The following KIF21B variants were observed in gnomAD, a reference collection of about 807,000 sequenced individuals.
KIF21B encodes kinesin-like protein KIF21B.
KIF21B carries 85 observed loss-of-function variants against 192.9 expected under a neutral mutation model. The observed-to-expected ratio is 0.44, with a 90% CI of 0.37 to 0.53. The LOEUF (loss-of-function observed/expected upper bound fraction) is 0.53, where lower values mean the gene tolerates loss of function less well. Among genes scored for constraint, KIF21B ranks in the 20% least tolerant of loss-of-function variants. The pLI is 0.00. For synonymous variants in KIF21B, 832 were observed against 884.6 expected (o/e 0.94, Z 1.05); for missense variants, 1,716 against 2,194.8 (o/e 0.78, Z 4.36).
intron 9 of KIF21B, 179 bp downstream of exon 9, chr1:201,001,982 T>C (rs772087184): frequency 2.7e-4 from 165 of 605,254 alleles, no homozygotes; most frequent in Non-Finnish European, 4.2e-4. Context: ...GAAGGATGTG[T>C]TCATGTATTA....
At chr1:201,021,010 G>A (rs1400907723) in intron 1 of KIF21B, among the ~76,000 whole-genome samples, 1 of 152,206 alleles carries the variant, frequency 6.6e-6, no homozygotes, top group East Asian at 1.9e-4. Flanking sequence ...AGTGAGCCCT[G>A]GGGCTGGACT....
At chr1:200,991,781 T>A in intron 16 of KIF21B, 56 bp from the exon 17 acceptor site, 1 of 1,569,512 alleles carries the variant, frequency 6.4e-7, no homozygotes, top group Non-Finnish European at 8.7e-7. Flanking sequence ...GCCCTCTCTG[T>A]CTGTGTACAG....
chr1:201,003,787 G>A lies in KIF21B; in HGVS notation c.1017-6C>T. On this transcript the variant is annotated splice_polypyrimidine_tract_variant and splice_region_variant and intron_variant, in intron 7 of 34. Transcript: ENST00000461742. ...AGGCGATCATGATGGTCTGGCTGGG[G>A]GTGCAGAAAGGCTGTTGTGAGGGTG... 4 of 1,614,156 alleles carry A rather than the reference G, an allele frequency of 2.5e-6. No individual in the cohort carries two copies. Among genetic ancestry groups the A allele is most frequent in the Non-Finnish European group, 2.5e-6 (3 of 1,180,010 alleles).
At chr1:200,996,744 G>A (rs1212373857) in intron 14 of KIF21B, among the ~76,000 whole-genome samples, 1 of 152,160 alleles carries the variant, frequency 6.6e-6, no homozygotes, top group East Asian at 1.9e-4. Context: ...GGGGCCTGTG[G>A]GAAGGGGAAG....
chr1:200,973,624 T>C (rs1156553420), intron 34 of KIF21B, 46 bp from the exon 35 acceptor site: 3 of 1,520,274 alleles, frequency 2.0e-6, no homozygotes, highest in Non-Finnish European at 2.6e-6. Flanking sequence ...GCTCTTGCAG[T>C]GGGCTTGGCT....
Position 200,990,959 on chromosome 1 carries a change from C to T in KIF21B, c.2645G>A (p.Gly882Glu). 3 of 1,614,148 alleles carry T rather than the reference C, an allele frequency of 1.9e-6. No homozygotes were observed. Among genetic ancestry groups the T allele is most frequent in the Middle Eastern group, 3.3e-4 (2 of 6,062 alleles). Residue 882 changes from glycine (G) to glutamate (E), a missense_variant, in exon 18 of 35, where the codon GGG becomes GAG. Gly to Glu is a moderately conservative substitution (Grantham distance 98). Transcript: ENST00000461742. This position sits in a 1 kb window ranked among gnomAD's most constrained non-coding sequence, Gnocchi z 5.4. The stretch of plus-strand genomic sequence containing the variant: ...ATTGACAGTGGGCGCAGGATGGTCC[C>T]CCAAGAAGTGGTTGATTTTGCGGTT... ...QWNRKINHFL[G>E]DHPAPTVNGT...
Position 200,990,560 on chromosome 1 carries a change from GGGA to G in KIF21B, c.2835+13_2835+15del, listed in dbSNP as rs1186638756. 6.2e-7 allele frequency: 1 copy of G among 1,612,184 alleles called. No homozygotes were observed. The highest frequency in any genetic ancestry group is 1.1e-5 in the South Asian group (1 of 90,920). ...CAGAGGGGTGGAATGGAAGAGAAGG[GGGA>G]GGCAGGGCTCACCTTGATGAGCCGC... On this transcript the variant is annotated intron_variant, in intron 19 of 34. Transcript: ENST00000461742. This position sits in a 1 kb window ranked among gnomAD's most constrained non-coding sequence, Gnocchi z 5.4.
intron 8 of KIF21B, 118 bp downstream of exon 8, chr1:201,003,468 T>A: frequency 1.0e-6 from 1 of 969,724 alleles, no homozygotes; most frequent in Non-Finnish European, 1.6e-6. Flanking sequence ...AAGTGGATGA[T>A]GGTAATAGGG....
Position 201,000,992 on chromosome 1 carries a change from A to G in KIF21B, c.1403-212T>C, listed in dbSNP as rs1657461232. ...CGTGGTGGCGCATGCCTCTAATCCC[A>G]GCTACTCGGGACGCTGAGGCAGGAG... On this transcript the variant is annotated intron_variant, in intron 9 of 34. Transcript: ENST00000461742. This position sits in a 1 kb window ranked among gnomAD's most constrained non-coding sequence, Gnocchi z 6.0. 1.3e-5 allele frequency among the ~76,000 whole-genome samples: 2 copies of G among 152,062 alleles called. No homozygotes were observed. The highest frequency in any genetic ancestry group is 2.4e-5 in the African/African-American group (1 of 41,392).
intron 2 of KIF21B, 40 bp downstream of exon 2, chr1:201,009,226 A>G: frequency 6.3e-7 from 1 of 1,578,666 alleles, no homozygotes; most frequent in Non-Finnish European, 8.7e-7. Context: ...CAGGGAGACC[A>G]AGGCTGGAGC....
intron 9 of KIF21B, 189 bp downstream of exon 9, chr1:201,001,972 G>A: frequency 1.7e-6 from 1 of 600,224 alleles, no homozygotes; most frequent in Non-Finnish European, 3.0e-6. Context: ...TGTTGAACAA[G>A]AAGGATGTGT....
chr1:200,980,755 C>T (rs1655857109), intron 29 of KIF21B, among the ~76,000 whole-genome samples: 2 of 152,192 alleles, frequency 1.3e-5, no homozygotes, highest in Admixed American at 1.3e-4. Flanking sequence ...GCCACCAGGT[C>T]AGGTATGAGG....
intron 1 of KIF21B, among the ~76,000 whole-genome samples, chr1:201,020,061 C>G (rs1658731453): frequency 6.6e-6 from 1 of 152,002 alleles, no homozygotes; most frequent in Middle Eastern, 3.2e-3. Context: ...CTATCCCCTA[C>G]TTAACCCTGT....
At chr1:200,983,129 T>TGAGAG (rs1252795985) in intron 27 of KIF21B, 35 bp from the exon 28 acceptor site, 5 of 1,527,194 alleles carry the variant, frequency 3.3e-6, no homozygotes, top group Non-Finnish European at 4.4e-6. Flanking sequence ...GATTAGGGGG[T>TGAGAG]GAGAGGAGAC....
rs1658981037 is a variant in KIF21B, at chr1:201,023,385, G to A, written c.-2C>T. ...GCAGCAGTCCCCCTGGCCGGCCATGGCCCTCTGGAGCTAGGGTCTGGGCGT... is the reference window on the plus strand; with the variant it reads ...GCAGCAGTCCCCCTGGCCGGCCATGACCCTCTGGAGCTAGGGTCTGGGCGT... On this transcript the variant is annotated 5_prime_UTR_variant, in exon 1 of 35. Transcript: ENST00000461742. The surrounding 1 kb of genome is among the most constrained non-coding windows in gnomAD (Gnocchi z 5.9). 1.3e-6 allele frequency: 2 copies of A among 1,524,286 alleles called. No individual in the cohort carries two copies. The allele number at this position is 1,524,286 out of a possible 1,614,324, so 94.4% of individuals were successfully genotyped here.
intron 1 of KIF21B, among the ~76,000 whole-genome samples, chr1:201,016,724 G>A (rs1658528148): frequency 6.6e-6 from 1 of 152,172 alleles, no homozygotes; most frequent in Non-Finnish European, 1.5e-5. Flanking sequence ...TCAGAGCTCT[G>A]TGACAGCCAG....
Position 200,999,914 on chromosome 1 carries a change from C to T in KIF21B, c.1736G>A (p.Ser579Asn), listed in dbSNP as rs773684942. The T allele has an allele frequency of 6.2e-7, 1 of 1,614,026 alleles. No homozygotes were observed. The highest frequency in any genetic ancestry group is 1.1e-5 in the South Asian group (1 of 91,082). Reference sequence around the variant, plus strand: ...CGCCTCGTTCTCATCCGTCTCCTCGCTGTTCTCCTGTTGGAGTTTTGCCCT... The same window carrying T: ...CGCCTCGTTCTCATCCGTCTCCTCGTTGTTCTCCTGTTGGAGTTTTGCCCT... Reference protein sequence around the residue: ...KKRAKLQQENSEETDENEAEE... With the variant: ...KKRAKLQQENNEETDENEAEE... The change falls in exon 12 of 35, where the codon AGC (serine) becomes AAC (asparagine). Residue 579 changes from serine to asparagine, a missense_variant. Physicochemically the swap from Ser to Asn is conservative, Grantham distance 46. This residue lies in a region of KIF21B where 1,087 missense variants were observed against 1,316.6 expected (regional missense o/e 0.83). Coordinates refer to ENST00000461742, the MANE Select transcript of KIF21B (RefSeq NM_001252102.2). This position sits in a 1 kb window ranked among gnomAD's most constrained non-coding sequence, Gnocchi z 4.7.
chr1:200,992,324 G>T lies in KIF21B; in HGVS notation c.2343C>A (p.Asn781Lys), dbSNP rs959484745. 1.2e-6 allele frequency: 2 copies of T among 1,613,090 alleles called. No individual in the cohort carries two copies. The highest frequency in any genetic ancestry group is 1.7e-6 in the Non-Finnish European group (2 of 1,180,038). ...QRRRLVETKRNREIAQLKKEQ... is the reference protein window; with the variant it reads ...QRRRLVETKRKREIAQLKKEQ... ...CCTTCTTGAGCTGTGCGATCTCCCG[G>T]TTCCTCTTGGTCTCCACTAGCCGCC... Residue 781 changes from asparagine to lysine, a missense_variant, in exon 16 of 35, where the codon AAC (asparagine) becomes AAA (lysine). Asn to Lys is a moderately conservative substitution (Grantham distance 94). Coordinates refer to ENST00000461742, the MANE Select transcript of KIF21B (RefSeq NM_001252102.2).
At position 200,972,181 on chromosome 1, in the gene KIF21B, C is replaced by T. The variant is rs1326240476; in HGVS notation, c.*1340G>A. ...TAACAATTTCCCCGGAGCTCCGCGT[C>T]CCCAGCCCCGGGGCAGAGAAACTCT... On this transcript the variant is annotated 3_prime_UTR_variant, in exon 35 of 35. Coordinates refer to ENST00000461742, the MANE Select transcript of KIF21B (RefSeq NM_001252102.2). 2 of 152,360 alleles carry T rather than the reference C, an allele frequency of 1.3e-5. No individual in the cohort carries two copies. Among genetic ancestry groups the T allele is most frequent in the African/African-American group, 4.8e-5 (2 of 41,460 alleles). The allele number at this position is 152,360 out of a possible 1,614,324, so 9.4% of individuals were successfully genotyped here.
Sources: gnomAD v4.1 joint callset for allele counts (sites outside exome capture counted in the v4.1 genomes callset) on GRCh38, gnomAD v4.1.1 for gene constraint, gnomAD v4.1.1 regional missense constraint, Gnocchi (gnomAD v3.1) non-coding constraint, MANE v1.5 for transcripts, NCBI Gene and HGNC (gene_info 2026-07-23, HGNC 2026-07-21) for gene names.